The following CAB39L variants were observed in gnomAD, a reference collection of about 807,000 sequenced individuals.
CAB39L encodes the protein calcium binding protein 39 like.
Under a neutral mutation model 39.1 loss-of-function variants are expected in CAB39L, and 23 were observed. The ratio of observed to expected loss-of-function variants is 0.59; its 90% CI spans 0.42 to 0.83. The LOEUF (loss-of-function observed/expected upper bound fraction) is 0.83, where lower values mean the gene tolerates loss of function less well. Ranked by LOEUF, CAB39L falls within the 40% of genes least tolerant of loss-of-function variation. The probability of loss-of-function intolerance (pLI) is 0.00; values close to 1 mark genes in which losing one functional copy is unlikely to be tolerated. For synonymous variants in CAB39L, 126 were observed against 137.2 expected, an observed-to-expected ratio of 0.92 and a Z score of 0.57; for missense variants, 366 against 391.9, an observed-to-expected ratio of 0.93 and a Z score of 0.56.
chr13:49,357,850 A>T (rs1021325789), intron 6 of CAB39L, among the ~76,000 whole-genome samples: 5 of 152,292 alleles, frequency 3.3e-5, no homozygotes, highest in African/African-American at 4.8e-5. Flanking sequence ...AGGACTTGGA[A>T]AGCTCTTCAT....
At chr13:49,398,433 C>CAT (rs1408758980) in intron 3 of CAB39L, among the ~76,000 whole-genome samples, 4 of 152,038 alleles carry the variant, frequency 2.6e-5, no homozygotes, top group African/African-American at 4.8e-5. Context: ...TAAACACAGT[C>CAT]ATATATATAT....
intron 10 of CAB39L, among the ~76,000 whole-genome samples, chr13:49,323,113 G>A (rs1262716205): frequency 6.6e-6 from 1 of 152,116 alleles, no homozygotes; most frequent in Non-Finnish European, 1.5e-5. Context: ...CCCTCCTCCA[G>A]GTAAGCACCT....
At chr13:49,350,679 A>T in intron 7 of CAB39L, 65 bp downstream of exon 7, 1 of 1,229,158 alleles carries the variant, frequency 8.1e-7, no homozygotes, top group Non-Finnish European at 1.1e-6. Context: ...TTTTAAAATT[A>T]AATTGCCTCT....
At chr13:49,435,223 G>T (rs1040227865) in intron 1 of CAB39L, among the ~76,000 whole-genome samples, 4 of 152,152 alleles carry the variant, frequency 2.6e-5, no homozygotes, top group Admixed American at 6.5e-5. Context: ...GCAGACTGTT[G>T]TACTGTCTGG....
At chr13:49,313,658 C>T (rs577707219) in intron 10 of CAB39L, among the ~76,000 whole-genome samples, 1 of 152,266 alleles carries the variant, frequency 6.6e-6, no homozygotes, top group South Asian at 2.1e-4. Context: ...TTGTAAAAGA[C>T]ACACTCCTTA....
At chr13:49,391,873 A>G (rs998664702) in intron 3 of CAB39L, among the ~76,000 whole-genome samples, 2 of 152,104 alleles carry the variant, frequency 1.3e-5, no homozygotes, top group Non-Finnish European at 1.5e-5. Flanking sequence ...AAGAGCAACC[A>G]ATAATTACAA....
Position 49,310,690 on chromosome 13 carries a change from A to T in CAB39L, c.*124T>A, listed in dbSNP as rs376677594. ...AAATGTTTATACTCCATCTACCCAG[A>T]ACAATTACAGCAGAAAAAATAGGCA... is the stretch of plus-strand genomic sequence containing the variant. On this transcript the variant is annotated 3_prime_UTR_variant, in exon 11 of 11. Transcript: ENST00000409308. The T allele has an allele frequency of 1.1e-6, 1 of 916,696 alleles. No homozygotes were observed. The allele number at this position is 916,696 out of a possible 1,614,324, so 56.8% of individuals were successfully genotyped here.
At chr13:49,434,013 G>T in intron 2 of CAB39L, 73 bp downstream of exon 2, 1 of 341,402 alleles carries the variant, frequency 2.9e-6, no homozygotes, top group South Asian at 2.3e-5. Context: ...GACAATTTCT[G>T]TAAAATCTAT....
chr13:49,424,794 G>T (rs892842270), intron 3 of CAB39L, among the ~76,000 whole-genome samples: 5 of 152,060 alleles, frequency 3.3e-5, no homozygotes, highest in Non-Finnish European at 5.9e-5. Context: ...GAAAATAAAG[G>T]AATACATGAA....
intron 3 of CAB39L, among the ~76,000 whole-genome samples, chr13:49,383,791 G>A (rs1956297565): frequency 2.6e-5 from 4 of 152,150 alleles, no homozygotes; most frequent in Admixed American, 2.6e-4. Flanking sequence ...TTGTGCACAT[G>A]TACCCTAAAA....
chr13:49,353,119 T>G (rs1433068806), intron 6 of CAB39L, among the ~76,000 whole-genome samples: 1 of 152,246 alleles, frequency 6.6e-6, no homozygotes, highest in East Asian at 1.9e-4. Flanking sequence ...GAATAACTCA[T>G]AGTAACATTA....
intron 3 of CAB39L, among the ~76,000 whole-genome samples, chr13:49,427,461 G>A (rs1430646972): frequency 2.6e-5 from 4 of 152,124 alleles, no homozygotes; most frequent in African/African-American, 9.7e-5. Context: ...AGGCCAAGCA[G>A]GAGGATCACT....
chr13:49,431,522 C>T (rs1459719593), intron 3 of CAB39L, among the ~76,000 whole-genome samples: 2 of 151,914 alleles, frequency 1.3e-5, no homozygotes, highest in East Asian at 3.9e-4. Flanking sequence ...GCCTGGCCAC[C>T]ATGGTGAAAC....
chr13:49,410,565 C>A (rs1956971041), intron 3 of CAB39L, among the ~76,000 whole-genome samples: 1 of 152,068 alleles, frequency 6.6e-6, no homozygotes, highest in Non-Finnish European at 1.5e-5. Context: ...CTAAAGAGAA[C>A]ACAGAAAGAA....
intron 10 of CAB39L, among the ~76,000 whole-genome samples, chr13:49,314,679 C>G (rs186786109): frequency 6.6e-6 from 1 of 152,280 alleles, no homozygotes; most frequent in East Asian, 1.9e-4. Flanking sequence ...TGGTTAACAG[C>G]GCAGATTCAG....
chr13:49,405,719 G>GGAAGGAAGGAAGGAAGGAAGGA (rs1555264155), intron 3 of CAB39L, among the ~76,000 whole-genome samples: 1 of 94,986 alleles, frequency 1.1e-5, no homozygotes, highest in Admixed American at 1.1e-4. Flanking sequence ...GAAAGAGAGA[G>GGAAGGAAGGAAGGAAGGAAGGA]AGGAAGGAAG....
At chr13:49,397,600 A>G (rs2138643573) in intron 3 of CAB39L, among the ~76,000 whole-genome samples, 1 of 152,188 alleles carries the variant, frequency 6.6e-6, no homozygotes, top group East Asian at 1.9e-4. Flanking sequence ...CTACTAGGCT[A>G]TTGTAGTTCC....
intron 6 of CAB39L, among the ~76,000 whole-genome samples, chr13:49,353,053 T>C (rs1348616054): frequency 6.6e-6 from 1 of 152,238 alleles, no homozygotes; most frequent in Non-Finnish European, 1.5e-5. Flanking sequence ...GGGTGGTATT[T>C]ATTCATTTTT....
chr13:49,392,445 T>C (rs1956510468), intron 3 of CAB39L, among the ~76,000 whole-genome samples: 1 of 151,960 alleles, frequency 6.6e-6, no homozygotes, highest in South Asian at 2.1e-4. Flanking sequence ...GAGACCAGCC[T>C]GGCCAACATG....
Sources: gnomAD v4.1 joint callset for allele counts (sites outside exome capture counted in the v4.1 genomes callset) on GRCh38, gnomAD v4.1.1 for gene constraint, MANE v1.5 for transcripts, NCBI Gene and HGNC (gene_info 2026-07-23, HGNC 2026-07-21) for gene names.